The following CTNNA1 variants were observed in gnomAD, a reference collection of about 807,000 sequenced individuals.
CTNNA1 encodes catenin alpha-1.
A neutral mutation model predicts 98.4 loss-of-function variants in CTNNA1; 37 were observed. The ratio of observed to expected loss-of-function variants is 0.38; its 90% CI spans 0.29 to 0.49. The LOEUF is 0.49. Ranked by LOEUF, CTNNA1 falls within the 20% of genes least tolerant of loss-of-function variation. The pLI is 0.95. For synonymous variants in CTNNA1, 404 were observed against 413.2 expected (o/e 0.98, Z 0.27); for missense variants, 761 against 1,147.2 (o/e 0.66, Z 4.86).
At chr5:138,824,935 T>C in intron 6 of CTNNA1, 136 bp downstream of exon 6, 1 of 787,120 alleles carries the variant, frequency 1.3e-6, no homozygotes, top group East Asian at 2.6e-5. Flanking sequence ...CAAAAGAAAT[T>C]ATGAATCATC....
chr5:138,925,248 C>G lies in CTNNA1; in HGVS notation c.1748-8C>G, dbSNP rs2150294111. On this transcript the variant is annotated splice_region_variant and splice_polypyrimidine_tract_variant and intron_variant, in intron 12 of 17. Transcript: ENST00000302763. The stretch of plus-strand genomic sequence containing the variant: ...ACCAGGGTATCTACTGTGCCTCTTT[C>G]TCCACAGTCATGCCACGTTTTACTG... The G allele has an allele frequency of 3.1e-6, 5 of 1,613,252 alleles. No homozygotes were observed. The highest frequency in any genetic ancestry group is 3.4e-6 in the Non-Finnish European group (4 of 1,179,696).
intron 3 of CTNNA1, among the ~76,000 whole-genome samples, chr5:138,785,272 G>A (rs1044088031): frequency 5.9e-5 from 9 of 151,342 alleles, no homozygotes; most frequent in Non-Finnish European, 4.4e-5. Context: ...TGTTTTAGCC[G>A]GGATGGTCTC....
intron 3 of CTNNA1, among the ~76,000 whole-genome samples, chr5:138,792,998 G>A (rs11739389): frequency 0.02 from 3,041 of 152,032 alleles, 40 homozygotes; most frequent in Admixed American, 0.031. Flanking sequence ...TTATTTTTGT[G>A]GATGTCTCTT....
In CTNNA1 at chr5:138,755,178, A is replaced by C. The variant is rs191943972; in HGVS notation, c.-3+1668A>C. The C allele has an allele frequency of 2.0e-5, 3 of 152,348 alleles. No homozygotes were observed. The East Asian group carries it at 5.8e-4, about 29-fold the overall frequency. 9.4% of individuals were successfully genotyped at this position (152,348 alleles called of 1,614,324 possible). ...AGCGGACTGCAGTAAGTGCCTTAAC[A>C]GTACTAATGAAACTATTGTCTGAGT... On this transcript the variant is annotated intron_variant, in intron 1 of 17. Coordinates refer to ENST00000302763, the MANE Select transcript of CTNNA1 (RefSeq NM_001903.5).
chr5:138,893,112 G>A (rs1023384979), intron 9 of CTNNA1, among the ~76,000 whole-genome samples: 2 of 152,144 alleles, frequency 1.3e-5, no homozygotes, highest in African/African-American at 4.8e-5. Flanking sequence ...CTTTTAGAGG[G>A]TCATTTTTGT....
rs572240396 is a variant in CTNNA1 at position 138,769,677 on chromosome 5, C to T, written c.-2-12246C>T. 1.5e-4 allele frequency among the ~76,000 whole-genome samples: 23 copies of T among 151,698 alleles called. No homozygotes were observed. The East Asian group carries it at 2.9e-3, about 19-fold the overall frequency. On this transcript the variant is annotated intron_variant, in intron 1 of 17. Coordinates refer to ENST00000302763, the MANE Select transcript of CTNNA1 (RefSeq NM_001903.5). ...CCTCCCGAGTTGCTGCGATTACAGG[C>T]CCTGCGCCACCACGCCCAGCTAATT...
chr5:138,857,730 A>T (rs1233904883), intron 7 of CTNNA1, among the ~76,000 whole-genome samples: 1 of 152,224 alleles, frequency 6.6e-6, no homozygotes, highest in Non-Finnish European at 1.5e-5. Flanking sequence ...TAAATGATTT[A>T]TACAAGGTCC....
intron 1 of CTNNA1, among the ~76,000 whole-genome samples, chr5:138,760,097 C>G (rs553402103): frequency 9.2e-4 from 134 of 145,206 alleles, no homozygotes; most frequent in African/African-American, 3.3e-3. Context: ...CGGGTTCAAG[C>G]GATTCTCCTG....
At chr5:138,839,979 G>T (rs915156703) in intron 7 of CTNNA1, among the ~76,000 whole-genome samples, 4 of 152,202 alleles carry the variant, frequency 2.6e-5, no homozygotes, top group Non-Finnish European at 5.9e-5. Context: ...ACTTGTTAAA[G>T]CTTGATCAAG....
chr5:138,778,015 C>A (rs1331341110), intron 1 of CTNNA1, among the ~76,000 whole-genome samples: 132 of 26,280 alleles, frequency 5.0e-3, no homozygotes, highest in East Asian at 0.022. Flanking sequence ...TTTTTTTAAA[C>A]AGAGTCTTGC....
intron 7 of CTNNA1, among the ~76,000 whole-genome samples, chr5:138,867,269 C>T (rs1764874407): frequency 6.6e-6 from 1 of 152,208 alleles, no homozygotes; most frequent in South Asian, 2.1e-4. Context: ...TTCTCTTAGT[C>T]TCTCTGATCC....
chr5:138,804,015 A>G (rs928639781), intron 3 of CTNNA1, among the ~76,000 whole-genome samples: 1 of 152,180 alleles, frequency 6.6e-6, no homozygotes, highest in African/African-American at 2.4e-5. Flanking sequence ...CACAATGAAG[A>G]CCTTTTCTCT....
Position 138,887,656 on chromosome 5 carries a change from C to A in CTNNA1, c.1296+14C>A. Reference sequence around the variant, plus strand: ...AAATTGATTGAGGTAAGTGAATTAGCAGTTTCATTGACTTGTAGGCAACTT... The same window carrying A: ...AAATTGATTGAGGTAAGTGAATTAGAAGTTTCATTGACTTGTAGGCAACTT... On this transcript the variant is annotated intron_variant, in intron 9 of 17. Coordinates refer to ENST00000302763, the MANE Select transcript of CTNNA1 (RefSeq NM_001903.5). The A allele has an allele frequency of 6.3e-7, 1 of 1,598,942 alleles. No individual in the cohort carries two copies. The highest frequency in any genetic ancestry group is 1.1e-5 in the South Asian group (1 of 87,500).
intron 17 of CTNNA1, chr5:138,933,032 G>A: frequency 1.3e-6 from 1 of 759,528 alleles, no homozygotes; most frequent in Non-Finnish European, 2.4e-6. Flanking sequence ...TACTTGGGAG[G>A]CTGAGACACA....
chr5:138,901,219 G>A (rs1047390632), intron 9 of CTNNA1, among the ~76,000 whole-genome samples: 37 of 151,752 alleles, frequency 2.4e-4, no homozygotes, highest in Non-Finnish European at 3.8e-4. Context: ...GTGCAGTGGC[G>A]CCATCTCAGC....
intron 8 of CTNNA1, 110 bp from the exon 9 acceptor site, chr5:138,887,380 C>G: frequency 1.4e-6 from 1 of 736,702 alleles, no homozygotes. Flanking sequence ...GTAAGTGCAG[C>G]AAGTCTACCG....
At position 138,932,571 on chromosome 5, in the gene CTNNA1, T is replaced by G; in HGVS notation, c.2299-7T>G. ...GATACTTGGTGTTAAGCCTGCTCTC[T>G]CTTCAGTGCCCCGACTCGGCTTGCA... On this transcript the variant is annotated splice_polypyrimidine_tract_variant and splice_region_variant and intron_variant, in intron 16 of 17. Transcript: ENST00000302763. The G allele has an allele frequency of 5.0e-6, 8 of 1,614,070 alleles. No individual in the cohort carries two copies. In the South Asian group the frequency reaches 8.8e-5, roughly 18 times the overall value.
chr5:138,933,705 C>T (rs1047095754), intron 17 of CTNNA1, 97 bp from the exon 18 acceptor site: 6 of 1,303,256 alleles, frequency 4.6e-6, no homozygotes, highest in African/African-American at 4.5e-5. Flanking sequence ...CCTGGTCTTG[C>T]AGAGGAGTAG....
chr5:138,896,583 CA>C (rs1756861360), intron 9 of CTNNA1, among the ~76,000 whole-genome samples: 1 of 152,138 alleles, frequency 6.6e-6, no homozygotes, highest in African/African-American at 2.4e-5. Flanking sequence ...TCCTCAAGGC[CA>C]GTGAGTAAGG....
Sources: gnomAD v4.1 joint callset for allele counts (sites outside exome capture counted in the v4.1 genomes callset) on GRCh38, gnomAD v4.1.1 for gene constraint, MANE v1.5 for transcripts, NCBI Gene and HGNC (gene_info 2026-07-23, HGNC 2026-07-21) for gene names.